The following NRXN3 variants were observed in gnomAD, a reference collection of about 807,000 sequenced individuals.
NRXN3 encodes the protein neurexin III.
A neutral mutation model predicts 137.6 loss-of-function variants in NRXN3; 32 were observed. The observed-to-expected ratio is 0.23, with a 90% CI of 0.18 to 0.31. NRXN3 has a LOEUF of 0.31. Among genes scored for constraint, NRXN3 ranks in the 10% least tolerant of loss-of-function variants. The pLI is 1.00. For missense variants in NRXN3, 1,574 were observed against 2,062.5 expected (o/e 0.76, Z 4.59); for synonymous variants, 798 against 784.5 (o/e 1.02, Z -0.29).
At chr14:79,486,623 T>A (rs564245649) in intron 16 of NRXN3, among the ~76,000 whole-genome samples, 4 of 152,288 alleles carry the variant, frequency 2.6e-5, no homozygotes, top group African/African-American at 9.6e-5. Flanking sequence ...ATTTTAGATA[T>A]GAAGATATGG....
At chr14:79,354,620 T>G (rs1462778469) in intron 15 of NRXN3, among the ~76,000 whole-genome samples, 1 of 152,146 alleles carries the variant, frequency 6.6e-6, no homozygotes, top group African/African-American at 2.4e-5. Flanking sequence ...CAGAAGGTAT[T>G]CAAGAAATGG....
At chr14:79,791,482 ATAATTATAATTAATTATATATTG>A (rs1304201946) in intron 19 of NRXN3, among the ~76,000 whole-genome samples, 45 of 143,816 alleles carry the variant, frequency 3.1e-4, no homozygotes, top group African/African-American at 1.1e-3. Flanking sequence ...ATATATTGTA[ATAATTATAATTAATTATATATTG>A]TAATTATAAT....
intron 1 of NRXN3, among the ~76,000 whole-genome samples, chr14:78,225,276 T>C (rs1185836819): frequency 3.3e-5 from 5 of 152,346 alleles, no homozygotes; most frequent in African/African-American, 1.2e-4. Context: ...TTCCTGACTT[T>C]TTAATGATCG....
chr14:79,552,808 TAA>T (rs1188873990), intron 16 of NRXN3, among the ~76,000 whole-genome samples: 3 of 152,060 alleles, frequency 2.0e-5, no homozygotes. Flanking sequence ...ATTATACAGA[TAA>T]AGTCTCTAAG....
At chr14:78,547,236 T>G (rs547092919) in intron 4 of NRXN3, among the ~76,000 whole-genome samples, 1 of 151,844 alleles carries the variant, frequency 6.6e-6, no homozygotes, top group South Asian at 2.1e-4. Flanking sequence ...AGACGGAGTC[T>G]CTCTCTGTCG....
rs1337041349 is a variant in NRXN3, at chr14:79,640,365, T to G, written c.3445-23413T>G. 1.5e-5 allele frequency among the ~76,000 whole-genome samples: 2 copies of G among 135,798 alleles called. 1 individual carries two copies. Among genetic ancestry groups the G allele is most frequent in the Non-Finnish European group, 3.4e-5 (2 of 58,374 alleles). The allele number at this position is 135,798 out of a possible 152,430, so 89.1% of individuals were successfully genotyped here. ...AGATTCAGGCAAATAAATACATATC[T>G]ATATTGGGAGATAAGGTTTTTGCTC... On this transcript the variant is annotated intron_variant, in intron 16 of 20. Coordinates refer to ENST00000335750, the MANE Select transcript of NRXN3 (RefSeq NM_001330195.2).
intron 4 of NRXN3, among the ~76,000 whole-genome samples, chr14:78,486,167 C>T (rs942654150): frequency 6.6e-6 from 1 of 152,158 alleles, no homozygotes; most frequent in Non-Finnish European, 1.5e-5. Context: ...TGTTTAAATA[C>T]TGCTATAATA....
intron 19 of NRXN3, among the ~76,000 whole-genome samples, chr14:79,732,023 T>C (rs1226044676): frequency 1.3e-5 from 2 of 152,072 alleles, no homozygotes; most frequent in Non-Finnish European, 2.9e-5. Flanking sequence ...GCTCCACCTA[T>C]AGATATAGAA....
At chr14:79,676,630 G>T (rs918572203) in intron 17 of NRXN3, among the ~76,000 whole-genome samples, 2 of 151,970 alleles carry the variant, frequency 1.3e-5, no homozygotes, top group African/African-American at 4.8e-5. Context: ...ATCACTGTAT[G>T]AGATGATGGG....
intron 15 of NRXN3, among the ~76,000 whole-genome samples, chr14:79,240,950 A>G (rs2074186835): frequency 6.6e-6 from 1 of 152,146 alleles, no homozygotes; most frequent in African/African-American, 2.4e-5. Context: ...AATACAATTT[A>G]AAAGTGTGTT....
chr14:79,641,808 C>T lies in NRXN3; in HGVS notation c.3445-21970C>T, dbSNP rs1261829273. Among the ~76,000 whole-genome samples the T allele has an allele frequency of 1.5e-5, 2 of 135,366 alleles. 1 individual carries two copies. Among genetic ancestry groups the T allele is most frequent in the African/African-American group, 4.9e-5 (2 of 40,710 alleles). 88.8% of individuals were successfully genotyped at this position (135,366 alleles called of 152,430 possible). The stretch of plus-strand genomic sequence containing the variant: ...TGCTTGAGTTCTCCCAGTTGTTCTC[C>T]TGTCATTTTGCAGGTCAATCTGCTT... On this transcript the variant is annotated intron_variant, in intron 16 of 20. Coordinates refer to ENST00000335750, the MANE Select transcript of NRXN3 (RefSeq NM_001330195.2).
chr14:78,207,083 C>A (rs10131994), intron 1 of NRXN3, among the ~76,000 whole-genome samples: 1 of 151,822 alleles, frequency 6.6e-6, no homozygotes, highest in African/African-American at 2.4e-5. Flanking sequence ...AGGCTGGTCT[C>A]GAACTCCTGA....
chr14:79,779,887 CAG>C (rs1232246136), intron 19 of NRXN3, among the ~76,000 whole-genome samples: 1 of 152,068 alleles, frequency 6.6e-6, no homozygotes, highest in African/African-American at 2.4e-5. Flanking sequence ...TTTTTTGAGA[CAG>C]AGTCTTGCTC....
chr14:79,500,236 C>CAAAAAA (rs34976297), intron 16 of NRXN3, among the ~76,000 whole-genome samples: 14 of 88,434 alleles, frequency 1.6e-4, no homozygotes, highest in Non-Finnish European at 2.4e-4. Flanking sequence ...AAAAAGAAGG[C>CAAAAAA]AAAAAAAAAA....
At chr14:79,447,963 A>G (rs904645823) in intron 15 of NRXN3, among the ~76,000 whole-genome samples, 3 of 152,170 alleles carry the variant, frequency 2.0e-5, no homozygotes, top group African/African-American at 7.2e-5. Flanking sequence ...TCCTGTTTAA[A>G]ATGTTATGAA....
intron 8 of NRXN3, among the ~76,000 whole-genome samples, chr14:78,792,968 A>G (rs1420427793): frequency 6.6e-6 from 1 of 152,214 alleles, no homozygotes; most frequent in Non-Finnish European, 1.5e-5. Flanking sequence ...GTTACCATAC[A>G]ATAACTTAAC....
At chr14:79,715,804 C>T (rs1248658917) in intron 19 of NRXN3, among the ~76,000 whole-genome samples, 6 of 152,152 alleles carry the variant, frequency 3.9e-5, no homozygotes, top group Non-Finnish European at 1.5e-5. Context: ...CTTGTAGAAG[C>T]AGTATAGAAG....
intron 4 of NRXN3, among the ~76,000 whole-genome samples, chr14:78,519,945 T>C (rs915322422): frequency 6.6e-6 from 1 of 152,154 alleles, no homozygotes; most frequent in African/African-American, 2.4e-5. Flanking sequence ...CAGTGAACAT[T>C]TAAAGTTTAT....
At chr14:79,337,501 G>A (rs2092341954) in intron 15 of NRXN3, among the ~76,000 whole-genome samples, 1 of 152,198 alleles carries the variant, frequency 6.6e-6, no homozygotes, top group Non-Finnish European at 1.5e-5. Context: ...CTTCCATGCA[G>A]TATAATCTGT....
Sources: allele counts gnomAD v4.1 joint callset (sites outside exome capture counted in the v4.1 genomes callset), GRCh38; gene constraint gnomAD v4.1.1; transcripts MANE v1.5; gene names NCBI Gene and HGNC (gene_info 2026-07-23, HGNC 2026-07-21).